KIF2A: variants seen among roughly 807,000 people sequenced by gnomAD.
The protein encoded by KIF2A is kinesin family member 2A, also known as kinesin-like protein KIF2A.
Under a neutral mutation model 100.2 loss-of-function variants are expected in KIF2A, and 22 were observed. The ratio of observed to expected loss-of-function variants is 0.22; its 90% CI spans 0.16 to 0.31. KIF2A has a LOEUF of 0.31. KIF2A is among the 10% of genes least tolerant of loss of function. The pLI is 1.00. For missense variants in KIF2A, 495 were observed against 898.7 expected (o/e 0.55, Z 5.74); for synonymous variants, 268 against 285.9 (o/e 0.94, Z 0.63).
Position 62,355,174 on chromosome 5 carries a change from A to C in KIF2A, c.574A>C (p.Asn192His), listed in dbSNP as rs746988250. Residue 192 changes from asparagine (N) to histidine (H), a missense_variant, in exon 7 of 21, where the codon AAC becomes CAC. Coordinates refer to ENST00000407818, the MANE Select transcript of KIF2A (RefSeq NM_001098511.3). ...CTTCTAATAGGACGTTGATGCTACA[A>C]ACCCAAATTATGAAATTATGTGTAT... ...EKRAQDVDAT[N>H]PNYEIMCMIR... The C allele has an allele frequency of 6.3e-7, 1 of 1,577,474 alleles. No individual in the cohort carries two copies. Among genetic ancestry groups the C allele is most frequent in the South Asian group, 1.1e-5 (1 of 89,136 alleles).
intron 1 of KIF2A, among the ~76,000 whole-genome samples, chr5:62,321,643 A>T (rs904490472): frequency 6.6e-6 from 1 of 152,068 alleles, no homozygotes; most frequent in African/African-American, 2.4e-5. Context: ...GTTCACTGCA[A>T]CCTCTGCCTC....
rs1741752013 is a variant in KIF2A, at chr5:62,381,011, T to C, written c.2014-107T>C. The C allele has an allele frequency of 6.2e-6, 5 of 810,178 alleles. No individual in the cohort carries two copies. The East Asian group carries it at 1.0e-4, about 17-fold the overall frequency. 50.2% of individuals were successfully genotyped at this position (810,178 alleles called of 1,614,324 possible). A position where few individuals can be genotyped will look rare whatever the true frequency, so the allele number is the denominator to read the frequency against. ...AAAGATGTTTTATGTCTATTGACAT[T>C]TTAGAGAATACTATCTTAAGTATGT... On this transcript the variant is annotated intron_variant, in intron 19 of 20. Coordinates refer to ENST00000407818, the MANE Select transcript of KIF2A (RefSeq NM_001098511.3).
rs34215234 is a variant in KIF2A at position 62,350,912 on chromosome 5, CA to C, written c.334+805del. ...GGGCGACAGAGCGAGACTCCATCTC[CA>C]AAAAAAAAAAAAGATTTTTAAAATG... On this transcript the variant is annotated intron_variant, in intron 4 of 20. Transcript: ENST00000407818. Among the ~76,000 whole-genome samples the C allele has an allele frequency of 2.4e-3, 310 of 131,424 alleles. 1 individual carries two copies. Among genetic ancestry groups the C allele is most frequent in the East Asian group, 0.021 (98 of 4,696 alleles). 86.2% of individuals were successfully genotyped at this position (131,424 alleles called of 152,430 possible). A position where few individuals can be genotyped will look rare whatever the true frequency, so the allele number is the denominator to read the frequency against.
chr5:62,378,074 A>C (rs1382092995), intron 19 of KIF2A, among the ~76,000 whole-genome samples: 1 of 152,166 alleles, frequency 6.6e-6, no homozygotes, highest in African/African-American at 2.4e-5. Context: ...TGTTAGGCCA[A>C]TGTATTTGAT....
intron 1 of KIF2A, among the ~76,000 whole-genome samples, chr5:62,331,770 A>AG (rs1293107248): frequency 1.3e-5 from 2 of 151,652 alleles, no homozygotes; most frequent in Non-Finnish European, 2.9e-5. Context: ...ACGAAAAAAA[A>AG]AAAAACAACA....
chr5:62,307,683 T>A (rs1364650759), intron 1 of KIF2A, among the ~76,000 whole-genome samples: 1 of 151,472 alleles, frequency 6.6e-6, no homozygotes, highest in Admixed American at 6.6e-5. Context: ...AGTGGTGCGA[T>A]CTCGGCCCAC....
chr5:62,384,236 G>A (rs985801822), intron 20 of KIF2A, among the ~76,000 whole-genome samples: 7 of 152,144 alleles, frequency 4.6e-5, no homozygotes, highest in African/African-American at 1.7e-4. Flanking sequence ...GTGACAGAGT[G>A]AGACTCCATC....
At chr5:62,336,523 T>C (rs1746961227) in intron 1 of KIF2A, among the ~76,000 whole-genome samples, 1 of 152,124 alleles carries the variant, frequency 6.6e-6, no homozygotes, top group African/African-American at 2.4e-5. Flanking sequence ...TGTCTGGAAT[T>C]TGAGAAACAT....
Position 62,318,049 on chromosome 5 carries a change from A to G in KIF2A, c.64+11513A>G, listed in dbSNP as rs541572246. ...TATAGCAACTTGCTAAAGTGCTGAC[A>G]TAATAGATTGATTTGGGGGCCTGTC... On this transcript the variant is annotated intron_variant, in intron 1 of 20. Transcript: ENST00000407818. Among the ~76,000 whole-genome samples, 16 of 152,300 alleles carry G rather than the reference A, an allele frequency of 1.1e-4. No homozygotes were observed. In the East Asian group the frequency reaches 3.1e-3, roughly 29 times the overall value.
chr5:62,353,243 C>A, intron 5 of KIF2A, 32 bp from the exon 6 acceptor site: 2 of 1,277,358 alleles, frequency 1.6e-6, no homozygotes, highest in Non-Finnish European at 2.1e-6. Flanking sequence ...AAAAAGAAAA[C>A]TATACTTCTA....
At position 62,390,184 on chromosome 5, in the gene KIF2A, CCTT is replaced by C. The variant is rs1311858313; in HGVS notation, c.*4618_*4620del. ...AAGTGAATTGGCTAAATAGGCAAGA[CCTT>C]CTGAAAGTTAACATCTTAATGATTA... On this transcript the variant is annotated 3_prime_UTR_variant, in exon 21 of 21. Transcript: ENST00000407818. Among the ~76,000 whole-genome samples the C allele has an allele frequency of 2.0e-5, 3 of 152,158 alleles. No homozygotes were observed. The highest frequency in any genetic ancestry group is 2.9e-5 in the Non-Finnish European group (2 of 68,014).
At position 62,314,201 on chromosome 5, in the gene KIF2A, T is replaced by C. The variant is rs141122269; in HGVS notation, c.64+7665T>C. Among the ~76,000 whole-genome samples the C allele has an allele frequency of 1.6e-3, 240 of 152,246 alleles. 1 individual carries two copies. The highest frequency in any genetic ancestry group is 5.6e-3 in the African/African-American group (233 of 41,550). On this transcript the variant is annotated intron_variant, in intron 1 of 20. Coordinates refer to ENST00000407818, the MANE Select transcript of KIF2A (RefSeq NM_001098511.3). ...ATAGAGACTGGCTCGGTGTGGTGTC[T>C]CATGCCTGTAATCCCAGCACTTTGG...
At chr5:62,376,322 ATAT>A (rs1464656737) in intron 18 of KIF2A, among the ~76,000 whole-genome samples, 6 of 152,202 alleles carry the variant, frequency 3.9e-5, no homozygotes, top group Non-Finnish European at 7.3e-5. Flanking sequence ...GCGTGTGTAC[ATAT>A]TATTATTGCT....
chr5:62,335,174 A>G (rs1051743361), intron 1 of KIF2A, among the ~76,000 whole-genome samples: 2 of 152,162 alleles, frequency 1.3e-5, no homozygotes, highest in Non-Finnish European at 2.9e-5. Flanking sequence ...GGTTTCTCTA[A>G]GGAGATTGCA....
chr5:62,383,370 G>A (rs1181100330), intron 20 of KIF2A, among the ~76,000 whole-genome samples: 1 of 149,102 alleles, frequency 6.7e-6, no homozygotes, highest in African/African-American at 2.5e-5. Flanking sequence ...AGCCTCTTGA[G>A]TAGCTGGGAC....
intron 20 of KIF2A, among the ~76,000 whole-genome samples, chr5:62,382,962 T>C (rs1741846405): frequency 1.3e-5 from 2 of 149,186 alleles, no homozygotes; most frequent in Non-Finnish European, 3.0e-5. Context: ...AGTGTCTTGC[T>C]TTATCGCCCA....
intron 3 of KIF2A, among the ~76,000 whole-genome samples, chr5:62,349,245 T>C (rs867565436): frequency 2.2e-4 from 34 of 151,562 alleles, no homozygotes; most frequent in South Asian, 2.1e-4. Flanking sequence ...ATTTTAAAAA[T>C]AAATATTTAT....
At chr5:62,348,267 A>C in intron 3 of KIF2A, 100 bp downstream of exon 3, 1 of 1,257,188 alleles carries the variant, frequency 8.0e-7, no homozygotes, top group East Asian at 2.4e-5. Context: ...GAAGAGTTTA[A>C]GAATTGATTA....
At chr5:62,322,977 C>T (rs1232956679) in intron 1 of KIF2A, among the ~76,000 whole-genome samples, 1 of 138,192 alleles carries the variant, frequency 7.2e-6, no homozygotes, top group Non-Finnish European at 1.5e-5. Flanking sequence ...TCTGAGAAAG[C>T]CGGGCGCAGT....
Sources: gnomAD v4.1 joint callset for allele counts (sites outside exome capture counted in the v4.1 genomes callset) on GRCh38, gnomAD v4.1.1 for gene constraint, MANE v1.5 for transcripts, NCBI Gene and HGNC (gene_info 2026-07-23, HGNC 2026-07-21) for gene names.